Variants in MROH2B observed in about 807,000 individuals in gnomAD.
The protein encoded by MROH2B is maestro heat like repeat family member 2B, also known as maestro heat-like repeat-containing protein family member 2B.
Under a neutral mutation model 208.6 loss-of-function variants are expected in MROH2B, and 177 were observed. That is an observed-to-expected ratio of 0.85 (90% CI 0.75 to 0.96). MROH2B has a LOEUF of 0.96. Among genes scored for constraint, MROH2B ranks in the 40% least tolerant of loss-of-function variants. The pLI, the probability that MROH2B is intolerant of heterozygous loss-of-function variation, is 0.00. For synonymous variants in MROH2B, 728 were observed against 659.0 expected (o/e 1.10, Z -1.60); for missense variants, 2,002 against 1,878.7 (o/e 1.07, Z -1.21).
intron 16 of MROH2B, 150 bp downstream of exon 16, chr5:41,048,174 A>C: frequency 1.1e-6 from 1 of 900,186 alleles, no homozygotes; most frequent in Non-Finnish European, 1.6e-6. Flanking sequence ...ATAAGGAGTT[A>C]AGAAGAAAAA....
Position 40,998,670 on chromosome 5 carries a change from A to C in MROH2B, c.4593T>G (p.Val1531=). The part of the protein sequence containing the change: ...RSAAVKLTDA[V]VLNLTSQYVE... Reference sequence around the variant, plus strand: ...CATATTGGCTGGTCAAATTGAGAACAACGGCATCTAAAGTTAATAGGAGAC... The same window carrying C: ...CATATTGGCTGGTCAAATTGAGAACCACGGCATCTAAAGTTAATAGGAGAC... The change falls in exon 41 of 42, where the codon GTT becomes GTG. Residue 1531 remains valine, a synonymous_variant. Transcript: ENST00000399564. The C allele has an allele frequency of 6.3e-7, 1 of 1,582,190 alleles. No individual in the cohort carries two copies. Among genetic ancestry groups the C allele is most frequent in the Non-Finnish European group, 8.6e-7 (1 of 1,162,876 alleles).
At chr5:41,003,992 A>T (rs1300249143) in intron 37 of MROH2B, among the ~76,000 whole-genome samples, 1 of 152,196 alleles carries the variant, frequency 6.6e-6, no homozygotes, top group Non-Finnish European at 1.5e-5. Context: ...AACTCTGTGG[A>T]TCCTAAGATC....
At chr5:41,056,559 A>G (rs1420723757) in intron 9 of MROH2B, among the ~76,000 whole-genome samples, 1 of 152,012 alleles carries the variant, frequency 6.6e-6, no homozygotes, top group Non-Finnish European at 1.5e-5. Flanking sequence ...ATAGTTTTGT[A>G]TTCTGACCCT....
intron 21 of MROH2B, among the ~76,000 whole-genome samples, chr5:41,035,724 C>T (rs1742734594): frequency 6.6e-6 from 1 of 152,074 alleles, no homozygotes; most frequent in African/African-American, 2.4e-5. Context: ...AAATGCTCAT[C>T]ATCACTAACC....
intron 21 of MROH2B, chr5:41,034,182 A>C: frequency 2.0e-6 from 1 of 510,034 alleles, no homozygotes; most frequent in South Asian, 8.3e-5. Context: ...GTAAGGAAAA[A>C]GGGTAAAGGC....
Position 41,007,453 on chromosome 5 carries a change from GC to G in MROH2B, c.3609del (p.Arg1203SerfsTer7). 1 of 1,564,742 alleles carries G rather than the reference GC, an allele frequency of 6.4e-7. No individual in the cohort carries two copies. The highest frequency in any genetic ancestry group is 1.2e-5 in the South Asian group (1 of 81,790). ...GEQQQIPDPC[R>X]LSTATLKCLQ... is the part of the protein sequence containing the mutation. Reference sequence around the variant, plus strand: ...AAACATTTTAAAGTAGCAGTTGAAAGCCTAAAGGAGACAGTCAGCATTACAA... The same window carrying G: ...AAACATTTTAAAGTAGCAGTTGAAAGCTAAAGGAGACAGTCAGCATTACAA... On this transcript the variant is annotated frameshift_variant and splice_region_variant, in exon 34 of 42. Transcript: ENST00000399564. LOFTEE classifies it high-confidence loss of function.
intron 11 of MROH2B, among the ~76,000 whole-genome samples, chr5:41,052,909 CT>C (rs1743328248): frequency 6.6e-6 from 1 of 152,034 alleles, no homozygotes; most frequent in Non-Finnish European, 1.5e-5. Context: ...CATGTTGGTG[CT>C]CAAAAAGTTT....
chr5:41,012,633 T>C lies in MROH2B; in HGVS notation c.3085A>G (p.Ile1029Val). 6.2e-7 allele frequency: 1 copy of C among 1,613,784 alleles called. No individual in the cohort carries two copies. Among genetic ancestry groups the C allele is most frequent in the Non-Finnish European group, 8.5e-7 (1 of 1,179,742 alleles). ...LNPTCTKACG[I>V]WMITVLKQQG... ...TGCTTCAGGACAGTGATCATCCATA[T>C]GCCACAGGCCTTTGTACAAGTGGGG... The change falls in exon 30 of 42, where the codon ATA becomes GTA. Residue 1029 changes from isoleucine (I) to valine (V), a missense_variant. By Grantham distance (29) the Ile-to-Val change is conservative. Coordinates refer to ENST00000399564, the MANE Select transcript of MROH2B (RefSeq NM_173489.5).
At chr5:41,000,530 G>C in intron 38 of MROH2B, 148 bp downstream of exon 38, 1 of 1,322,632 alleles carries the variant, frequency 7.6e-7, no homozygotes, top group Non-Finnish European at 1.0e-6. Context: ...GAGATAGTAA[G>C]AAGAACCTAG....
chr5:41,007,344 G>A lies in MROH2B; in HGVS notation c.3719C>T (p.Thr1240Ile), dbSNP rs369542974. The A allele has an allele frequency of 2.4e-5, 37 of 1,529,832 alleles. No individual in the cohort carries two copies. Among genetic ancestry groups the A allele is most frequent in the Admixed American group, 4.2e-5 (2 of 47,748 alleles). The allele number at this position is 1,529,832 out of a possible 1,614,324, so 94.8% of individuals were successfully genotyped here. The change falls in exon 34 of 42, where the codon ACC (threonine) becomes ATC (isoleucine). Residue 1240 changes from threonine (T) to isoleucine (I), a missense_variant. By Grantham distance (89) the Thr-to-Ile change is moderately conservative. Transcript: ENST00000399564. ...CAGTGAACATACGCCTATGTGGTGG[G>A]TACTAGGACTGCTGAGTAGAGTCCA... Reference protein sequence around the residue: ...NLWTLLSSPSTHHIGVCSLAR... With the variant: ...NLWTLLSSPSIHHIGVCSLAR...
chr5:41,061,708 G>A lies in MROH2B; in HGVS notation c.477C>T (p.Ser159=). The change falls in exon 6 of 42, where the codon AGC becomes AGT. Residue 159 remains serine, a synonymous_variant. Transcript: ENST00000399564. ...GGTTGACATATTTGTAAATGGCTTTGCTGAATTTCTCAAGGGCTGCATTTA... is the reference window on the plus strand; with the variant it reads ...GGTTGACATATTTGTAAATGGCTTTACTGAATTTCTCAAGGGCTGCATTTA... The part of the protein sequence containing the change: ...GTFCIALEKF[S]KAIYKYVNHW... The A allele has an allele frequency of 6.2e-7, 1 of 1,613,704 alleles. No homozygotes were observed. Among genetic ancestry groups the A allele is most frequent in the Non-Finnish European group, 8.5e-7 (1 of 1,179,744 alleles).
intron 34 of MROH2B, among the ~76,000 whole-genome samples, chr5:41,006,548 C>A (rs1741599568): frequency 6.6e-6 from 1 of 152,142 alleles, no homozygotes; most frequent in Non-Finnish European, 1.5e-5. Context: ...ATGTTTACAG[C>A]AGCACAATTT....
intron 21 of MROH2B, among the ~76,000 whole-genome samples, chr5:41,037,077 C>T (rs1742790145): frequency 6.6e-6 from 1 of 152,076 alleles, no homozygotes; most frequent in African/African-American, 2.4e-5. Context: ...GCTCTGTCAA[C>T]CAGGCTAGAG....
chr5:41,034,396 G>T (rs1742684362), intron 21 of MROH2B, among the ~76,000 whole-genome samples: 2 of 152,098 alleles, frequency 1.3e-5, no homozygotes. Context: ...TCTGTGAGAG[G>T]AAAGGTGCAC....
chr5:41,027,738 C>T (rs568346900), intron 24 of MROH2B, among the ~76,000 whole-genome samples: 68 of 152,250 alleles, frequency 4.5e-4, no homozygotes, highest in South Asian at 2.5e-3. Context: ...CACATGCAGA[C>T]GTATGTTTAT....
At chr5:41,033,670 T>A (rs1742650193) in intron 22 of MROH2B, among the ~76,000 whole-genome samples, 168 bp downstream of exon 22, 1 of 152,062 alleles carries the variant, frequency 6.6e-6, no homozygotes, top group Admixed American at 6.6e-5. Flanking sequence ...TGTTCTGCCC[T>A]GGATTAGGAT....
intron 24 of MROH2B, among the ~76,000 whole-genome samples, chr5:41,027,117 C>A (rs1742392180): frequency 6.6e-6 from 1 of 152,214 alleles, no homozygotes; most frequent in South Asian, 2.1e-4. Context: ...ACATTCAGAA[C>A]ATAGGCATGG....
At chr5:41,021,451 C>A (rs1251998453) in intron 24 of MROH2B, among the ~76,000 whole-genome samples, 1 of 152,166 alleles carries the variant, frequency 6.6e-6, no homozygotes, top group Non-Finnish European at 1.5e-5. Context: ...TCCTAAAATT[C>A]TTGTGAAATC....
rs757434454 is a variant in MROH2B, at chr5:41,000,679, A to G, written c.4349T>C (p.Val1450Ala). ...CAGGTGTCTGTGGAGAGCACTTACA[A>G]CTCCAATCTTGGGGTTGGGATCCCA... ...HLWDPNPKIGVACRDVLMVCI... is the reference protein window; with the variant it reads ...HLWDPNPKIGAACRDVLMVCI... Residue 1450 changes from valine (V) to alanine (A), a missense_variant and splice_region_variant, in exon 38 of 42, where the codon GTT (valine) becomes GCT (alanine). Physicochemically the swap from Val to Ala is moderately conservative, Grantham distance 64. Coordinates refer to ENST00000399564, the MANE Select transcript of MROH2B (RefSeq NM_173489.5). 2 of 1,609,646 alleles carry G rather than the reference A, an allele frequency of 1.2e-6. No individual in the cohort carries two copies. The highest frequency in any genetic ancestry group is 2.2e-5 in the East Asian group (1 of 44,812).
Sources: gnomAD v4.1 joint callset for allele counts (sites outside exome capture counted in the v4.1 genomes callset) on GRCh38, gnomAD v4.1.1 for gene constraint, MANE v1.5 for transcripts, NCBI Gene and HGNC (gene_info 2026-07-23, HGNC 2026-07-21) for gene names.